The following NFIB variants were observed in gnomAD, a reference collection of about 807,000 sequenced individuals.
The protein encoded by NFIB is nuclear factor I B, also known as nuclear factor 1 B-type.
A neutral mutation model predicts 61.5 loss-of-function variants in NFIB; 11 were observed. The observed-to-expected ratio is 0.18, with a 90% CI of 0.11 to 0.30. NFIB has a LOEUF of 0.30. NFIB is among the 10% of genes least tolerant of loss of function. The pLI, the probability that NFIB is intolerant of heterozygous loss-of-function variation, is 1.00. For synonymous variants in NFIB, 260 were observed against 216.5 expected (o/e 1.20, Z -1.76); for missense variants, 471 against 608.9 (o/e 0.77, Z 2.38).
chr9:14,512,263 T>C, the NFIB span, among the ~76,000 whole-genome samples: 1 of 152,120 alleles, frequency 6.6e-6, no homozygotes, highest in Admixed American at 6.5e-5. Flanking sequence ...GTGAAACTTT[T>C]AGAGGGGTTC....
At chr9:14,337,427 T>G (rs2060897784) in intron 1 of NFIB, among the ~76,000 whole-genome samples, 1 of 152,214 alleles carries the variant, frequency 6.6e-6, no homozygotes, top group Admixed American at 6.5e-5. Context: ...GAAATGATGG[T>G]GAGAAAAATC....
chr9:14,423,445 TG>T, the NFIB span, among the ~76,000 whole-genome samples: 15 of 152,342 alleles, frequency 9.8e-5, no homozygotes, highest in African/African-American at 3.4e-4. Context: ...AGCCCACATG[TG>T]GCTGCACATG....
chr9:14,096,083 C>T (rs1440542332), intron 10 of NFIB, among the ~76,000 whole-genome samples: 11 of 152,124 alleles, frequency 7.2e-5, no homozygotes, highest in Non-Finnish European at 1.5e-5. Context: ...ACTAACAGCA[C>T]TAGCAAAAAT....
chr9:14,164,450 G>A (rs1176729404), intron 3 of NFIB, among the ~76,000 whole-genome samples: 1 of 152,022 alleles, frequency 6.6e-6, no homozygotes, highest in East Asian at 1.9e-4. Context: ...TAAGACAATG[G>A]TATGTGTGTA....
the NFIB span, among the ~76,000 whole-genome samples, chr9:14,427,937 G>GTGTTTTTTTTT: frequency 6.9e-5 from 3 of 43,384 alleles, no homozygotes; most frequent in African/African-American, 2.3e-4. Context: ...TAATTCAGTT[G>GTGTTTTTTTTT]TTTTTTTTTT....
At chr9:14,470,518 G>C in the NFIB span, among the ~76,000 whole-genome samples, 1 of 152,084 alleles carries the variant, frequency 6.6e-6, no homozygotes, top group Admixed American at 6.6e-5. Flanking sequence ...CTCCATAAGG[G>C]CCAGATGGTC....
At chr9:14,507,060 T>G in the NFIB span, among the ~76,000 whole-genome samples, 15 of 152,362 alleles carry the variant, frequency 9.8e-5, no homozygotes, top group East Asian at 2.9e-3. Context: ...TTAAAACTTA[T>G]TAAAATCATT....
the NFIB span, among the ~76,000 whole-genome samples, chr9:14,485,030 T>C: frequency 1.3e-5 from 2 of 152,164 alleles, no homozygotes; most frequent in Non-Finnish European, 2.9e-5. Context: ...GAGAGATTGA[T>C]TGATTCCTTC....
intron 2 of NFIB, among the ~76,000 whole-genome samples, chr9:14,201,415 T>C (rs1264040766): frequency 6.6e-6 from 1 of 152,200 alleles, no homozygotes; most frequent in African/African-American, 2.4e-5. Flanking sequence ...GAATATGCCG[T>C]GCAACTGCAG....
chr9:14,259,002 A>T (rs2056488461), intron 2 of NFIB, among the ~76,000 whole-genome samples: 1 of 152,098 alleles, frequency 6.6e-6, no homozygotes, highest in Admixed American at 6.6e-5. Flanking sequence ...AAATATTAAT[A>T]ATAGTTCTAT....
chr9:14,302,802 G>A (rs1340368424), intron 2 of NFIB, among the ~76,000 whole-genome samples: 80 of 150,626 alleles, frequency 5.3e-4, no homozygotes, highest in Non-Finnish European at 5.9e-5. Context: ...GACACAGTCT[G>A]GCAACTCAAG....
chr9:14,123,828 T>C (rs1054614622), intron 7 of NFIB, among the ~76,000 whole-genome samples: 1 of 151,404 alleles, frequency 6.6e-6, no homozygotes, highest in African/African-American at 2.4e-5. Flanking sequence ...CCTCCTAGTT[T>C]GCCCCTCTGC....
At chr9:14,479,656 T>C in the NFIB span, among the ~76,000 whole-genome samples, 2 of 152,230 alleles carry the variant, frequency 1.3e-5, no homozygotes, top group Non-Finnish European at 1.5e-5. Context: ...TTAGGTCAAC[T>C]GTCATGTCTC....
At chr9:14,457,947 A>G in the NFIB span, among the ~76,000 whole-genome samples, 1 of 152,216 alleles carries the variant, frequency 6.6e-6, no homozygotes, top group Non-Finnish European at 1.5e-5. Flanking sequence ...TACAAGGAGG[A>G]GCTGGTACCA....
chr9:14,093,425 A>C (rs1268590967), intron 10 of NFIB: 2 of 152,116 alleles, frequency 1.3e-5, no homozygotes, highest in African/African-American at 2.4e-5. Flanking sequence ...TATTACAGGA[A>C]AAAAGCACAA....
At chr9:14,145,188 C>T (rs1260791293) in intron 6 of NFIB, among the ~76,000 whole-genome samples, 1 of 151,964 alleles carries the variant, frequency 6.6e-6, no homozygotes, top group African/African-American at 2.4e-5. Flanking sequence ...CATAAAATGA[C>T]CCTTGCCATC....
chr9:14,320,899 G>C (rs2060643575), intron 1 of NFIB, among the ~76,000 whole-genome samples: 1 of 152,104 alleles, frequency 6.6e-6, no homozygotes, highest in South Asian at 2.1e-4. Context: ...TTAATCTTGT[G>C]TATTTTGGCG....
At chr9:14,444,371 C>G in the NFIB span, among the ~76,000 whole-genome samples, 1 of 152,108 alleles carries the variant, frequency 6.6e-6, no homozygotes, top group South Asian at 2.1e-4. Context: ...AACGGTAAGT[C>G]ATTCAAATGG....
intron 2 of NFIB, among the ~76,000 whole-genome samples, chr9:14,197,793 GAA>G (rs34370866): frequency 1.3e-5 from 2 of 152,268 alleles, no homozygotes; most frequent in East Asian, 1.9e-4. Context: ...ATAACTTGGG[GAA>G]AAAAAAGGTA....
Sources: allele counts gnomAD v4.1 joint callset (sites outside exome capture counted in the v4.1 genomes callset), GRCh38; gene constraint gnomAD v4.1.1; transcripts MANE v1.5; gene names NCBI Gene and HGNC (gene_info 2026-07-23, HGNC 2026-07-21).